RYR2: variants seen among roughly 807,000 people sequenced by gnomAD.
The protein encoded by RYR2 is ryanodine receptor 2.
A neutral mutation model predicts 601.1 loss-of-function variants in RYR2; 227 were observed. That is an observed-to-expected ratio of 0.38 (90% confidence interval 0.34 to 0.42). The LOEUF is 0.42. Among genes scored for constraint, RYR2 ranks in the 10% least tolerant of loss-of-function variants. The pLI is 1.00. For synonymous variants in RYR2, 2,223 were observed against 2,175.1 expected (o/e 1.02, Z -0.61); for missense variants, 4,646 against 6,156.5 (o/e 0.75, Z 8.21).
chr1:237,376,891 G>T (rs1050312674), intron 7 of RYR2, among the ~76,000 whole-genome samples: 1 of 152,026 alleles, frequency 6.6e-6, no homozygotes, highest in African/African-American at 2.4e-5. Flanking sequence ...TAACTACTGA[G>T]AACATTTTCA....
chr1:237,425,884 T>G (rs976549912), intron 12 of RYR2, among the ~76,000 whole-genome samples: 1 of 152,126 alleles, frequency 6.6e-6, no homozygotes, highest in Non-Finnish European at 1.5e-5. Context: ...TATAGTTTGG[T>G]GTTCTGCTTT....
intron 1 of RYR2, among the ~76,000 whole-genome samples, chr1:237,104,997 T>G (rs996785380): frequency 3.3e-5 from 5 of 152,196 alleles, no homozygotes; most frequent in Non-Finnish European, 7.3e-5. Flanking sequence ...TCTGGCAGAC[T>G]GTCAGGGAGA....
chr1:237,726,019 A>G (rs1393704996), intron 74 of RYR2, among the ~76,000 whole-genome samples: 2 of 152,070 alleles, frequency 1.3e-5, no homozygotes, highest in Non-Finnish European at 2.9e-5. Flanking sequence ...TTCACTTGAC[A>G]CAAGCATCAA....
At chr1:237,357,612 A>G (rs1406928535) in intron 4 of RYR2, among the ~76,000 whole-genome samples, 1 of 152,000 alleles carries the variant, frequency 6.6e-6, no homozygotes, top group East Asian at 1.9e-4. Flanking sequence ...TATTCCTATA[A>G]TAATTTATTT....
At chr1:237,284,429 C>T (rs1055419794) in intron 2 of RYR2, among the ~76,000 whole-genome samples, 1 of 147,250 alleles carries the variant, frequency 6.8e-6, no homozygotes, top group Admixed American at 6.8e-5. Flanking sequence ...ACTGCAAATG[C>T]TGTTAATTCA....
At chr1:237,425,951 T>A (rs958657269) in intron 12 of RYR2, among the ~76,000 whole-genome samples, 4 of 152,146 alleles carry the variant, frequency 2.6e-5, no homozygotes, top group African/African-American at 9.7e-5. Context: ...AGATTCATAC[T>A]ATCCCAATAT....
chr1:237,292,913 T>C (rs1027933440), intron 2 of RYR2, among the ~76,000 whole-genome samples: 1 of 151,992 alleles, frequency 6.6e-6, no homozygotes, highest in African/African-American at 2.4e-5. Flanking sequence ...CTTACTAAAG[T>C]CTCTTAGTTA....
At chr1:237,655,731 T>C in intron 52 of RYR2, 90 bp from the exon 53 acceptor site, 1 of 1,269,972 alleles carries the variant, frequency 7.9e-7, no homozygotes, top group Non-Finnish European at 1.1e-6. Context: ...AATTCAGATT[T>C]TCTTCTGCAA....
intron 1 of RYR2, among the ~76,000 whole-genome samples, chr1:237,244,839 T>G (rs1166832058): frequency 6.6e-6 from 1 of 152,148 alleles, no homozygotes; most frequent in African/African-American, 2.4e-5. Flanking sequence ...ACTAGTCCAG[T>G]GGAGGCTCCC....
intron 30 of RYR2, 40 bp from the exon 31 acceptor site, chr1:237,590,600 T>C (rs755185670): frequency 6.9e-7 from 1 of 1,448,560 alleles, no homozygotes; most frequent in Non-Finnish European, 9.2e-7. Flanking sequence ...AAATTGACAA[T>C]GGTGATTGGA....
At chr1:237,166,499 C>T (rs1250174138) in intron 1 of RYR2, among the ~76,000 whole-genome samples, 1 of 20,148 alleles carries the variant, frequency 5.0e-5, no homozygotes, top group Admixed American at 9.5e-4. Flanking sequence ...AAATTATTTG[C>T]ATTTTTTTTT....
chr1:237,103,637 C>T (rs150780326), intron 1 of RYR2, among the ~76,000 whole-genome samples: 28 of 152,304 alleles, frequency 1.8e-4, no homozygotes, highest in African/African-American at 4.6e-4. Context: ...GCCATGATCT[C>T]GGCTCACTGC....
chr1:237,658,012 C>A lies in RYR2; in HGVS notation c.8198C>A (p.Ser2733Ter). The change falls in exon 54 of 105, where the codon TCA becomes TAA. Residue 2733 changes from serine (S) to a stop codon, truncating the protein, a stop_gained. Coordinates refer to ENST00000366574, the MANE Select transcript of RYR2 (RefSeq NM_001035.3). LOFTEE classifies it high-confidence loss of function. ...GCAGAACACTCCCATGACAAATGGT[C>A]AATGGACAAGGTAAAAAGAGTATTA... ...KYAEHSHDKW[S>*]MDKLANGWIY... 2 of 1,490,430 alleles carry A rather than the reference C, an allele frequency of 1.3e-6. No homozygotes were observed. The highest frequency in any genetic ancestry group is 2.7e-5 in the South Asian group (2 of 74,928). 92.3% of individuals were successfully genotyped at this position (1,490,430 alleles called of 1,614,324 possible). A position where few individuals can be genotyped will look rare whatever the true frequency, so the allele number is the denominator to read the frequency against.
At chr1:237,210,799 G>A (rs1271766456) in intron 1 of RYR2, among the ~76,000 whole-genome samples, 1 of 152,170 alleles carries the variant, frequency 6.6e-6, no homozygotes. Flanking sequence ...TAGATTCCTA[G>A]GGAAGGCAGC....
intron 34 of RYR2, among the ~76,000 whole-genome samples, chr1:237,600,694 CTA>C (rs1676405525): frequency 6.6e-6 from 1 of 152,142 alleles, no homozygotes; most frequent in Non-Finnish European, 1.5e-5. Flanking sequence ...TATTTGTAAA[CTA>C]TACATCTGAT....
chr1:237,124,297 C>G (rs1470237279), intron 1 of RYR2, among the ~76,000 whole-genome samples: 1 of 152,128 alleles, frequency 6.6e-6, no homozygotes, highest in East Asian at 1.9e-4. Flanking sequence ...TCACCGAGTG[C>G]GGGGGTCCCT....
intron 64 of RYR2, among the ~76,000 whole-genome samples, 176 bp from the exon 65 acceptor site, chr1:237,700,053 G>A (rs543723193): frequency 5.3e-5 from 8 of 152,296 alleles, no homozygotes; most frequent in African/African-American, 1.7e-4. Flanking sequence ...AATTTACAGA[G>A]CAGTATTGCT....
At chr1:237,494,937 C>T (rs895331416) in intron 19 of RYR2, among the ~76,000 whole-genome samples, 5 of 151,552 alleles carry the variant, frequency 3.3e-5, no homozygotes, top group East Asian at 1.9e-4. Context: ...ATTACAGGTG[C>T]ACACCACCAC....
chr1:237,131,417 AG>A (rs924646123), intron 1 of RYR2, among the ~76,000 whole-genome samples: 3 of 152,080 alleles, frequency 2.0e-5, no homozygotes, highest in African/African-American at 4.8e-5. Flanking sequence ...TGGGGTGGGG[AG>A]GGGGAACAAG....
Sources: gnomAD v4.1 joint callset for allele counts (sites outside exome capture counted in the v4.1 genomes callset) on GRCh38, gnomAD v4.1.1 for gene constraint, MANE v1.5 for transcripts, NCBI Gene and HGNC (gene_info 2026-07-23, HGNC 2026-07-21) for gene names.